Variants in DNAH11 observed in about 807,000 individuals in gnomAD.
DNAH11 encodes the protein axonemal beta dynein heavy chain 11.
Under a neutral mutation model 526.0 loss-of-function variants are expected in DNAH11, and 442 were observed. The ratio of observed to expected loss-of-function variants is 0.84; its 90% confidence interval spans 0.78 to 0.91. DNAH11 has a LOEUF of 0.91. Among genes scored for constraint, DNAH11 ranks in the 40% least tolerant of loss-of-function variants. The probability of loss-of-function intolerance (pLI) is 0.00; values close to 1 mark genes in which losing one functional copy is unlikely to be tolerated. For missense variants in DNAH11, 6,989 were observed against 5,448.7 expected, an observed-to-expected ratio of 1.28 and a Z score of -8.90; for synonymous variants, 2,461 against 1,935.9, an observed-to-expected ratio of 1.27 and a Z score of -7.12.
intron 79 of DNAH11, 96 bp from the exon 80 acceptor site, chr7:21,899,240 C>A: frequency 1.1e-6 from 1 of 926,402 alleles, no homozygotes; most frequent in Non-Finnish European, 1.8e-6. Context: ...ACTTCTCCTC[C>A]ACCACCACCC....
intron 42 of DNAH11, among the ~76,000 whole-genome samples, chr7:21,715,708 C>T (rs1784633457): frequency 6.6e-6 from 1 of 152,000 alleles, no homozygotes. Context: ...TCTAAATTTA[C>T]TGTCTTTTAA....
intron 29 of DNAH11, among the ~76,000 whole-genome samples, chr7:21,657,539 T>A (rs913574925): frequency 2.0e-5 from 3 of 152,186 alleles, no homozygotes; most frequent in Non-Finnish European, 4.4e-5. Context: ...TCTTCCCAAA[T>A]GGACTGCAAA....
intron 30 of DNAH11, among the ~76,000 whole-genome samples, chr7:21,664,134 GT>G (rs5882820): frequency 1.8e-3 from 233 of 131,352 alleles, no homozygotes; most frequent in East Asian, 5.9e-3. Flanking sequence ...ATTTCCCAAA[GT>G]TTTTTTTTTT....
At chr7:21,647,533 C>A (rs1366852249) in intron 28 of DNAH11, among the ~76,000 whole-genome samples, 1 of 151,322 alleles carries the variant, frequency 6.6e-6, no homozygotes, top group Admixed American at 6.6e-5. Context: ...AGGTTCACGC[C>A]ATTCTCCTGC....
At position 21,867,885 on chromosome 7, in the gene DNAH11, C is replaced by G. The variant is rs200664169; in HGVS notation, c.11717C>G (p.Ala3906Gly). 1.3e-6 allele frequency: 2 copies of G among 1,577,724 alleles called. No homozygotes were observed. The highest frequency in any genetic ancestry group is 1.2e-5 in the South Asian group (1 of 85,808). The change falls in exon 72 of 82, where the codon GCG (alanine) becomes GGG (glycine). Residue 3906 changes from alanine (A) to glycine (G), a missense_variant. By Grantham distance (60) the Ala-to-Gly change is moderately conservative (BLOSUM62 0). Transcript: ENST00000409508. ...AATTTTGTAGAGGAAAAACTGGGTG[C>G]GAAGTATGTGGAGAGGACCAGATTG... ...LRNFVEEKLG[A>G]KYVERTRLDL...
intron 57 of DNAH11, among the ~76,000 whole-genome samples, chr7:21,782,717 G>A (rs1788002140): frequency 6.6e-6 from 1 of 152,074 alleles, no homozygotes; most frequent in Non-Finnish European, 1.5e-5. Flanking sequence ...TTCAAGACCA[G>A]CCTGGCCAAC....
At position 21,543,296 on chromosome 7, in the gene DNAH11, G is replaced by T. The variant is rs1402035790; in HGVS notation, c.51G>T (p.Pro17=). The change falls in exon 1 of 82, where the codon CCG becomes CCT. Residue 17 remains proline (P), a synonymous_variant. Transcript: ENST00000409508. ...AGGCGCGAGACTTCAGAGAAGCCCC[G>T]ACCCTTCGCCTAACCTCGGGGGCCG... ...AREARDFREA[P]TLRLTSGAGL... 1 of 1,548,326 alleles carries T rather than the reference G, an allele frequency of 6.5e-7. No homozygotes were observed.
At chr7:21,835,812 A>G (rs1400407400) in intron 65 of DNAH11, among the ~76,000 whole-genome samples, 1 of 151,154 alleles carries the variant, frequency 6.6e-6, no homozygotes, top group Non-Finnish European at 1.5e-5. Context: ...AGAAAGTCAA[A>G]TTGTCCCTGT....
At position 21,901,251 on chromosome 7, in the gene DNAH11, G is replaced by C. The variant is rs147454485; in HGVS notation, c.13548G>C (p.Ala4516=). The C allele has an allele frequency of 1.9e-6, 3 of 1,601,614 alleles. No homozygotes were observed. Among genetic ancestry groups the C allele is most frequent in the Non-Finnish European group, 2.6e-6 (3 of 1,173,980 alleles). ...CTGGAGTGGCTCTGCTTCTAGAAGCGTAAGGTAACACTGGCATTCCTCTAG... is the reference window on the plus strand; with the variant it reads ...CTGGAGTGGCTCTGCTTCTAGAAGCCTAAGGTAACACTGGCATTCCTCTAG... The part of the protein sequence containing the change: ...VLAGVALLLE[A] Residue 4516 remains alanine (A), a synonymous_variant, in exon 82 of 82, where the codon GCG becomes GCC. Transcript: ENST00000409508.
chr7:21,899,601 CAG>C (rs1554294053), intron 80 of DNAH11, among the ~76,000 whole-genome samples, 153 bp downstream of exon 80: 3 of 152,152 alleles, frequency 2.0e-5, no homozygotes, highest in South Asian at 2.1e-4. Flanking sequence ...ATAGAGGAAA[CAG>C]AGTCCTGGGC....
chr7:21,628,500 C>G (rs1027669352), intron 25 of DNAH11, among the ~76,000 whole-genome samples: 1 of 151,950 alleles, frequency 6.6e-6, no homozygotes. Flanking sequence ...TTATCATAAA[C>G]GGATGTTGAA....
chr7:21,548,159 G>T (rs79443566), intron 2 of DNAH11, among the ~76,000 whole-genome samples: 1,680 of 134,388 alleles, frequency 0.013, 51 homozygotes, highest in South Asian at 0.088. Flanking sequence ...TTCTTGTAAA[G>T]CTTTTGTGAT....
At chr7:21,665,045 T>G (rs1782372195) in intron 30 of DNAH11, among the ~76,000 whole-genome samples, 1 of 151,996 alleles carries the variant, frequency 6.6e-6, no homozygotes, top group African/African-American at 2.4e-5. Flanking sequence ...GGCTCATTCT[T>G]GTTGTCAGGA....
At chr7:21,834,653 A>G (rs1335285943) in intron 65 of DNAH11, among the ~76,000 whole-genome samples, 1 of 151,994 alleles carries the variant, frequency 6.6e-6, no homozygotes, top group Non-Finnish European at 1.5e-5. Context: ...GTCAACAGAG[A>G]GAAACCCTAT....
At chr7:21,724,609 A>T (rs1785005898) in intron 44 of DNAH11, among the ~76,000 whole-genome samples, 1 of 147,782 alleles carries the variant, frequency 6.8e-6, no homozygotes, top group Non-Finnish European at 1.5e-5. Flanking sequence ...TGTGGATATA[A>T]GAGGTACAGA....
intron 15 of DNAH11, 147 bp downstream of exon 15, chr7:21,600,266 C>A: frequency 1.5e-6 from 1 of 665,954 alleles, no homozygotes; most frequent in Non-Finnish European, 2.3e-6. Flanking sequence ...TCAAGACCAG[C>A]CTAAGCAGCA....
chr7:21,634,384 G>A (rs1786759843), intron 25 of DNAH11, among the ~76,000 whole-genome samples: 1 of 152,214 alleles, frequency 6.6e-6, no homozygotes, highest in African/African-American at 2.4e-5. Flanking sequence ...CAGCAAGAGA[G>A]TGGTCAGAGA....
intron 65 of DNAH11, among the ~76,000 whole-genome samples, chr7:21,819,732 T>C (rs1186940722): frequency 6.6e-6 from 1 of 152,180 alleles, no homozygotes; most frequent in Non-Finnish European, 1.5e-5. Context: ...TAAATTTGAG[T>C]CATGATTCTC....
At chr7:21,793,178 C>A (rs1788550459) in intron 61 of DNAH11, among the ~76,000 whole-genome samples, 1 of 152,158 alleles carries the variant, frequency 6.6e-6, no homozygotes, top group African/African-American at 2.4e-5. Flanking sequence ...TAGTTGCCAA[C>A]TTTCCTCTTG....
Sources: allele counts gnomAD v4.1 joint callset (sites outside exome capture counted in the v4.1 genomes callset), GRCh38; gene constraint gnomAD v4.1.1; transcripts MANE v1.5; gene names NCBI Gene and HGNC (gene_info 2026-07-23, HGNC 2026-07-21).